MYT1L: variants seen among roughly 807,000 people sequenced by gnomAD.
MYT1L encodes the protein myelin transcription factor 1 like.
Under a neutral mutation model 126.7 loss-of-function variants are expected in MYT1L, and 12 were observed. That is an observed-to-expected ratio of 0.09 (90% CI 0.06 to 0.15). MYT1L has a LOEUF of 0.15. Ranked by LOEUF, MYT1L falls within the 10% of genes least tolerant of loss-of-function variation. MYT1L has a pLI of 1.00. For missense variants in MYT1L, 979 were observed against 1,585.2 expected, an observed-to-expected ratio of 0.62 and a Z score of 6.49; for synonymous variants, 541 against 604.2, an observed-to-expected ratio of 0.90 and a Z score of 1.53.
intron 3 of MYT1L, among the ~76,000 whole-genome samples, chr2:2,111,818 C>T (rs893236516): frequency 6.6e-6 from 1 of 152,222 alleles, no homozygotes; most frequent in Non-Finnish European, 1.5e-5. Flanking sequence ...TGTTGAAAGT[C>T]GAGCCTGGGG....
intron 21 of MYT1L, among the ~76,000 whole-genome samples, chr2:1,826,671 G>A (rs2039392012): frequency 6.6e-6 from 1 of 152,174 alleles, no homozygotes; most frequent in Non-Finnish European, 1.5e-5. Flanking sequence ...CCGGGTACCG[G>A]GTCAGTGCAG....
Position 1,912,410 on chromosome 2 carries a change from C to T in MYT1L, c.1619-300G>A, listed in dbSNP as rs2052160749. Among the ~76,000 whole-genome samples, 1 of 152,146 alleles carries T rather than the reference C, an allele frequency of 6.6e-6. No homozygotes were observed. Among genetic ancestry groups the T allele is most frequent in the Non-Finnish European group, 1.5e-5 (1 of 68,030 alleles). The stretch of plus-strand genomic sequence containing the variant: ...CTAAGGGCCTCACACAGCAGAGGCG[C>T]TGGAGCCAGGAGCTGGGGAGTTCAG... On this transcript the variant is annotated intron_variant, in intron 11 of 24. Coordinates refer to ENST00000647738, the MANE Select transcript of MYT1L (RefSeq NM_001303052.2). The surrounding 1 kb of genome is among the most constrained non-coding windows in gnomAD (Gnocchi z 4.3).
intron 21 of MYT1L, among the ~76,000 whole-genome samples, chr2:1,820,929 T>TTAACTAA (rs776814044): frequency 0.072 from 11,016 of 152,256 alleles, 492 homozygotes; most frequent in African/African-American, 0.12. Context: ...AGAATATAAC[T>TTAACTAA]AAGGTTTCCC....
chr2:1,993,429 A>G (rs746465282), intron 5 of MYT1L, among the ~76,000 whole-genome samples: 1 of 152,144 alleles, frequency 6.6e-6, no homozygotes, highest in African/African-American at 2.4e-5. Flanking sequence ...ATTGTTTACA[A>G]AATCAGGCTC....
chr2:1,869,427 G>A (rs1227833486), intron 18 of MYT1L, among the ~76,000 whole-genome samples: 1 of 152,262 alleles, frequency 6.6e-6, no homozygotes, highest in Admixed American at 6.5e-5. Flanking sequence ...GAGGCTCCTT[G>A]TCCTGTGCAC....
At position 1,811,437 on chromosome 2, in the gene MYT1L, C is replaced by T. The variant is rs1428500406; in HGVS notation, c.3081-2270G>A. 7.5e-6 allele frequency: 1 copy of T among 133,832 alleles called. No individual in the cohort carries two copies. The highest frequency in any genetic ancestry group is 1.6e-5 in the Non-Finnish European group (1 of 61,960). The allele number at this position is 133,832 out of a possible 1,614,324, so 8.3% of individuals were successfully genotyped here. A position where few individuals can be genotyped will look rare whatever the true frequency, so the allele number is the denominator to read the frequency against. On this transcript the variant is annotated intron_variant, in intron 21 of 24. Coordinates refer to ENST00000647738, the MANE Select transcript of MYT1L (RefSeq NM_001303052.2). This position sits in a 1 kb window ranked among gnomAD's most constrained non-coding sequence, Gnocchi z 4.4. ...AGCATCATCAGCTCCCGCGTCCTATCCCATCCCAGGGCAAGCCGCACGGGA... is the reference window on the plus strand; with the variant it reads ...AGCATCATCAGCTCCCGCGTCCTATTCCATCCCAGGGCAAGCCGCACGGGA...
At chr2:1,972,073 T>C (rs1186185282) in intron 8 of MYT1L, among the ~76,000 whole-genome samples, 1 of 152,128 alleles carries the variant, frequency 6.6e-6, no homozygotes, top group Non-Finnish European at 1.5e-5. Flanking sequence ...GCGTACACAA[T>C]GTGTCTCATA....
At position 1,806,384 on chromosome 2, in the gene MYT1L, T is replaced by C. The variant is rs1216741835; in HGVS notation, c.3172+2692A>G. The stretch of plus-strand genomic sequence containing the variant: ...CTTAGCACAACACGAACTGTGTGTC[T>C]AGAAACTTGGGTGAAATGCAGCGAC... On this transcript the variant is annotated intron_variant, in intron 22 of 24. Transcript: ENST00000647738. The surrounding 1 kb of genome is among the most constrained non-coding windows in gnomAD (Gnocchi z 4.9). 6.6e-6 allele frequency among the ~76,000 whole-genome samples: 1 copy of C among 152,192 alleles called. No individual in the cohort carries two copies. The highest frequency in any genetic ancestry group is 1.5e-5 in the Non-Finnish European group (1 of 68,032).
chr2:1,921,444 A>T (rs1330633332), intron 10 of MYT1L, among the ~76,000 whole-genome samples: 1 of 152,232 alleles, frequency 6.6e-6, no homozygotes, highest in African/African-American at 2.4e-5. Context: ...ACATACATAT[A>T]GTATACATAT....
intron 2 of MYT1L, among the ~76,000 whole-genome samples, chr2:2,282,496 A>G (rs1408885638): frequency 6.6e-6 from 1 of 152,196 alleles, no homozygotes; most frequent in Non-Finnish European, 1.5e-5. Context: ...CAGTGATAGG[A>G]CCACACATAA....
intron 2 of MYT1L, among the ~76,000 whole-genome samples, chr2:2,201,846 C>A (rs2093088228): frequency 6.6e-6 from 1 of 152,116 alleles, no homozygotes. Context: ...TATTTCCAAG[C>A]CTTATATTTA....
chr2:1,831,904 C>T (rs1395713759), intron 21 of MYT1L, among the ~76,000 whole-genome samples: 1 of 152,106 alleles, frequency 6.6e-6, no homozygotes. Flanking sequence ...GACCTGAGTG[C>T]TGCTGATTTC....
chr2:2,167,428 T>C (rs1364140382), intron 3 of MYT1L, among the ~76,000 whole-genome samples: 2 of 152,148 alleles, frequency 1.3e-5, no homozygotes, highest in East Asian at 3.9e-4. Flanking sequence ...CCTGAACAAC[T>C]TCTCCTGGAC....
intron 23 of MYT1L, among the ~76,000 whole-genome samples, chr2:1,799,846 G>A (rs1247872313): frequency 6.6e-6 from 1 of 152,168 alleles, no homozygotes; most frequent in Non-Finnish European, 1.5e-5. Flanking sequence ...CCCCCATGCT[G>A]TCCTCATGAT....
chr2:1,801,942 A>G lies in MYT1L; in HGVS notation c.3173-143T>C. The G allele has an allele frequency of 3.4e-6, 2 of 589,550 alleles. No homozygotes were observed. The highest frequency in any genetic ancestry group is 2.2e-5 in the South Asian group (1 of 45,600). 36.5% of individuals were successfully genotyped at this position (589,550 alleles called of 1,614,324 possible). ...CTCTTGAATTAGAAAGGAAAAAATC[A>G]TCACAATCTCTGTGTCTTTCTATTC... On this transcript the variant is annotated intron_variant, in intron 22 of 24. Coordinates refer to ENST00000647738, the MANE Select transcript of MYT1L (RefSeq NM_001303052.2). This position sits in a 1 kb window ranked among gnomAD's most constrained non-coding sequence, Gnocchi z 4.2.
intron 18 of MYT1L, among the ~76,000 whole-genome samples, chr2:1,874,952 G>C (rs74353673): frequency 6.6e-6 from 1 of 152,186 alleles, no homozygotes; most frequent in African/African-American, 2.4e-5. Flanking sequence ...CTGGCGGCCC[G>C]TCTGCTGGCC....
intron 5 of MYT1L, among the ~76,000 whole-genome samples, chr2:1,996,777 G>A (rs536922306): frequency 2.9e-5 from 4 of 135,970 alleles, no homozygotes; most frequent in African/African-American, 5.6e-5. Context: ...TAGACGGGCC[G>A]CCTTTACCTA....
intron 1 of MYT1L, among the ~76,000 whole-genome samples, chr2:2,321,571 C>T (rs1297906123): frequency 3.3e-5 from 5 of 151,906 alleles, no homozygotes; most frequent in Admixed American, 6.6e-5. Context: ...GAGGTGATGC[C>T]GACTTTTGAA....
At chr2:2,209,206 G>C (rs2148889472) in intron 2 of MYT1L, among the ~76,000 whole-genome samples, 1 of 152,192 alleles carries the variant, frequency 6.6e-6, no homozygotes, top group South Asian at 2.1e-4. Context: ...CATGGTACAT[G>C]GGGTCTCCAT....
Sources: gnomAD v4.1 joint callset for allele counts (sites outside exome capture counted in the v4.1 genomes callset) on GRCh38, gnomAD v4.1.1 for gene constraint, Gnocchi (gnomAD v3.1) non-coding constraint, MANE v1.5 for transcripts, NCBI Gene and HGNC (gene_info 2026-07-23, HGNC 2026-07-21) for gene names.